Variants in TGIF1 observed in about 807,000 individuals in gnomAD.
TGIF1 encodes the protein homeobox protein TGIF1.
In TGIF1, 4 loss-of-function variants were observed where a neutral mutation model predicts 19.3. The ratio of observed to expected loss-of-function variants is 0.21; its 90% confidence interval spans 0.10 to 0.47. The LOEUF is 0.47. TGIF1 is among the 20% of genes least tolerant of loss of function. The pLI, the probability that TGIF1 is intolerant of heterozygous loss-of-function variation, is 0.98. For synonymous variants in TGIF1, 122 were observed against 129.3 expected (o/e 0.94, Z 0.38); for missense variants, 275 against 341.4 (o/e 0.81, Z 1.53).
upstream of TGIF1, chr18:3,448,226 G>A (rs1200346311): frequency 2.0e-6 from 2 of 985,268 alleles, no homozygotes; most frequent in South Asian, 4.7e-5. Flanking sequence ...CACTCAGGCC[G>A]CGGAGTCGCA....
intron 1 of TGIF1, among the ~76,000 whole-genome samples, chr18:3,417,624 G>A (rs1017629287): frequency 1.3e-5 from 2 of 151,964 alleles, no homozygotes; most frequent in Admixed American, 6.6e-5. Flanking sequence ...AACTGTTATT[G>A]TAAATTTAGC....
intron 2 of TGIF1, among the ~76,000 whole-genome samples, chr18:3,438,600 C>CACACACACAA: frequency 6.7e-6 from 1 of 149,634 alleles, no homozygotes; most frequent in African/African-American, 2.5e-5. Context: ...CACACAAACA[C>CACACACACAA]ACACACACAC....
rs923243477 is a variant in TGIF1, at chr18:3,450,270, C to T, written c.-220C>T. On this transcript the variant is annotated 5_prime_UTR_variant, in exon 1 of 3. Transcript: ENST00000343820. ...GCGAGGGAGAGCCCCCGGCCGGCTG[C>T]CAGAAGATCCCGGCGGGAGGAAGCC... The T allele has an allele frequency of 2.8e-6, 4 of 1,433,592 alleles. No individual in the cohort carries two copies. Among genetic ancestry groups the T allele is most frequent in the African/African-American group, 2.9e-5 (2 of 69,482 alleles). The allele number at this position is 1,433,592 out of a possible 1,614,324, so 88.8% of individuals were successfully genotyped here.
At chr18:3,416,645 A>G (rs1568025952) in intron 1 of TGIF1, among the ~76,000 whole-genome samples, 1 of 151,724 alleles carries the variant, frequency 6.6e-6, no homozygotes, top group African/African-American at 2.4e-5. Flanking sequence ...GAGATTTATA[A>G]TAAGGCCGGG....
intron 2 of TGIF1, among the ~76,000 whole-genome samples, chr18:3,424,247 G>T (rs2082441560): frequency 6.7e-6 from 1 of 149,990 alleles, no homozygotes; most frequent in African/African-American, 2.4e-5. Context: ...TTTTTTTGTT[G>T]TTTTTTTTTA....
upstream of TGIF1, among the ~76,000 whole-genome samples, chr18:3,446,382 C>T (rs2082747252): frequency 6.6e-6 from 1 of 152,136 alleles, no homozygotes; most frequent in Non-Finnish European, 1.5e-5. Context: ...TGGGGTTTCA[C>T]CATATTGGTC....
At chr18:3,435,773 A>C (rs1374928704) in intron 2 of TGIF1, among the ~76,000 whole-genome samples, 1 of 152,176 alleles carries the variant, frequency 6.6e-6, no homozygotes, top group African/African-American at 2.4e-5. Context: ...ATATGCATTG[A>C]TGAGTTGCTC....
rs193061418 is a variant in TGIF1, at chr18:3,451,313, C to T, written c.16+808C>T. 235 of 969,314 alleles carry T rather than the reference C, an allele frequency of 2.4e-4. No individual in the cohort carries two copies. Among genetic ancestry groups the T allele is most frequent in the Non-Finnish European group, 2.8e-4 (229 of 815,482 alleles). 60.0% of individuals were successfully genotyped at this position (969,314 alleles called of 1,614,324 possible). ...TGGAAGCTTTACAACTAAAACTTGC[C>T]GTCAGTTTGGTTTAAAAACAAAATA... On this transcript the variant is annotated intron_variant, in intron 1 of 2. Coordinates refer to ENST00000343820, the MANE Select transcript of TGIF1 (RefSeq NM_003244.4). This position sits in a 1 kb window ranked among gnomAD's most constrained non-coding sequence, Gnocchi z 5.4.
upstream of TGIF1, chr18:3,450,171 C>T (rs2082857944): frequency 1.5e-6 from 2 of 1,307,620 alleles, no homozygotes; most frequent in Admixed American, 6.9e-5. Flanking sequence ...TCGCCTCTCT[C>T]ACTCTGACAG....
chr18:3,438,778 C>T (rs542788889), intron 2 of TGIF1, among the ~76,000 whole-genome samples: 35 of 152,144 alleles, frequency 2.3e-4, no homozygotes, highest in African/African-American at 7.0e-4. Context: ...GTAGTCTGAC[C>T]GGTGCAAACA....
intron 2 of TGIF1, among the ~76,000 whole-genome samples, chr18:3,428,068 G>A (rs1026457170): frequency 6.6e-6 from 1 of 152,166 alleles, no homozygotes; most frequent in African/African-American, 2.4e-5. Context: ...TCACTGTGCT[G>A]ACATTTGCAT....
chr18:3,417,630 T>G (rs2082350088), intron 1 of TGIF1, among the ~76,000 whole-genome samples: 1 of 152,210 alleles, frequency 6.6e-6, no homozygotes, highest in African/African-American at 2.4e-5. Context: ...TATTGTAAAT[T>G]TAGCTACCTA....
At chr18:3,414,072 C>T (rs866162374) in intron 1 of TGIF1, among the ~76,000 whole-genome samples, 1 of 152,162 alleles carries the variant, frequency 6.6e-6, no homozygotes, top group Non-Finnish European at 1.5e-5. Flanking sequence ...CTAATTAATT[C>T]TCTTAGGTTT....
At chr18:3,445,125 T>C (rs2082723368) in intron 2 of TGIF1, among the ~76,000 whole-genome samples, 1 of 152,128 alleles carries the variant, frequency 6.6e-6, no homozygotes, top group African/African-American at 2.4e-5. Context: ...GGTTGAGAAC[T>C]CCTGAGCCAC....
intron 1 of TGIF1, chr18:3,452,132 A>C (rs2082971044): frequency 6.2e-7 from 1 of 1,610,202 alleles, no homozygotes; most frequent in Non-Finnish European, 8.5e-7. Context: ...CGTCCCCCCG[A>C]CTCTCCCGCG....
At chr18:3,440,211 C>T (rs2082664749) in intron 2 of TGIF1, among the ~76,000 whole-genome samples, 1 of 151,958 alleles carries the variant, frequency 6.6e-6, no homozygotes, top group South Asian at 2.1e-4. Flanking sequence ...ATTAGCCAAA[C>T]ATGGTGGTTC....
At position 3,452,095 on chromosome 18, in the gene TGIF1, A is replaced by C. The variant is rs749461742; in HGVS notation, c.16+1590A>C. The C allele has an allele frequency of 4.7e-5, 76 of 1,613,440 alleles. 2 individuals carry two copies. In the South Asian group the frequency reaches 8.2e-4, roughly 17 times the overall value. ...CCCGCCTCCCACCCCGGGAATCCCC[A>C]GTGCTCCTTTTCCACGGCTTTTCTG... On this transcript the variant is annotated intron_variant, in intron 1 of 2. Coordinates refer to ENST00000343820, the MANE Select transcript of TGIF1 (RefSeq NM_003244.4).
Position 3,456,881 on chromosome 18 carries a change from A to G in TGIF1, c.243+301A>G. On this transcript the variant is annotated intron_variant, in intron 2 of 2. Transcript: ENST00000343820. The surrounding 1 kb of genome is among the most constrained non-coding windows in gnomAD (Gnocchi z 4.2). ...TCCAGGAAACTGGTTTGATATTTAA[A>G]CAAGGACGACTTCAGTGAGGTAATT... 1.7e-6 allele frequency: 1 copy of G among 602,432 alleles called. No individual in the cohort carries two copies. Among genetic ancestry groups the G allele is most frequent in the Non-Finnish European group, 2.9e-6 (1 of 341,110 alleles). The allele number at this position is 602,432 out of a possible 1,614,324, so 37.3% of individuals were successfully genotyped here. A position where few individuals can be genotyped will look rare whatever the true frequency, so the allele number is the denominator to read the frequency against.
At chr18:3,414,004 AAAC>A (rs1035450269) in intron 1 of TGIF1, among the ~76,000 whole-genome samples, 2 of 151,800 alleles carry the variant, frequency 1.3e-5, no homozygotes, top group African/African-American at 4.8e-5. Flanking sequence ...GTAGATGAAA[AAAC>A]AAACCCAGTG....
Sources: gnomAD v4.1 joint callset for allele counts (sites outside exome capture counted in the v4.1 genomes callset) on GRCh38, gnomAD v4.1.1 for gene constraint, Gnocchi (gnomAD v3.1) non-coding constraint, MANE v1.5 for transcripts, NCBI Gene and HGNC (gene_info 2026-07-23, HGNC 2026-07-21) for gene names.